The following PIGK variants were observed in gnomAD, a reference collection of about 807,000 sequenced individuals.
PIGK encodes GPI-anchor transamidase.
Under a neutral mutation model 50.6 loss-of-function variants are expected in PIGK, and 42 were observed. That is an observed-to-expected ratio of 0.83 (90% CI 0.65 to 1.07). PIGK has a LOEUF of 1.07. Ranked by LOEUF, PIGK falls within the 50% of genes least tolerant of loss-of-function variation. PIGK has a pLI of 0.00. For synonymous variants in PIGK, 151 were observed against 156.0 expected, an observed-to-expected ratio of 0.97 and a Z score of 0.24; for missense variants, 448 against 488.7, an observed-to-expected ratio of 0.92 and a Z score of 0.78.
Position 77,091,983 on chromosome 1 carries a change from T to G in PIGK, c.*391A>C, listed in dbSNP as rs1295690484. 1 of 154,386 alleles carries G rather than the reference T, an allele frequency of 6.5e-6. No individual in the cohort carries two copies. Among genetic ancestry groups the G allele is most frequent in the African/African-American group, 2.4e-5 (1 of 41,476 alleles). 9.6% of individuals were successfully genotyped at this position (154,386 alleles called of 1,614,324 possible). A position where few individuals can be genotyped will look rare whatever the true frequency, so the allele number is the denominator to read the frequency against. On this transcript the variant is annotated 3_prime_UTR_variant, in exon 11 of 11. Coordinates refer to ENST00000370812, the MANE Select transcript of PIGK (RefSeq NM_005482.3). ...TCCATATTGGGAAAAAATATGTGCA[T>G]AAGTCAAAAGATTGGGAGGATATAC...
intron 3 of PIGK, among the ~76,000 whole-genome samples, chr1:77,178,839 G>A (rs1655545984): frequency 6.6e-6 from 1 of 152,208 alleles, no homozygotes; most frequent in Non-Finnish European, 1.5e-5. Flanking sequence ...GTGTGACCAT[G>A]AGGACACCGT....
chr1:77,179,819 A>T (rs1655571726), intron 3 of PIGK, among the ~76,000 whole-genome samples: 1 of 152,208 alleles, frequency 6.6e-6, no homozygotes, highest in Admixed American at 6.5e-5. Context: ...GTAATTCATA[A>T]TTTCCAGGTT....
chr1:77,157,304 T>C (rs1655030068), intron 8 of PIGK, among the ~76,000 whole-genome samples: 2 of 152,128 alleles, frequency 1.3e-5, no homozygotes. Flanking sequence ...AAGATTACAA[T>C]AGTCATCATT....
At chr1:77,149,047 C>T (rs1025353079) in intron 9 of PIGK, among the ~76,000 whole-genome samples, 26 of 152,008 alleles carry the variant, frequency 1.7e-4, no homozygotes, top group South Asian at 1.0e-3. Flanking sequence ...TAGAACTATA[C>T]GATTTTTAAT....
At chr1:77,130,924 A>G in intron 9 of PIGK, among the ~76,000 whole-genome samples, 1 of 152,152 alleles carries the variant, frequency 6.6e-6, no homozygotes. Context: ...AAACAAGTTA[A>G]TAAATTCAAA....
chr1:77,104,992 C>T (rs1051074165), intron 10 of PIGK, among the ~76,000 whole-genome samples: 4 of 152,190 alleles, frequency 2.6e-5, no homozygotes, highest in Non-Finnish European at 5.9e-5. Context: ...GGGTAAAAGG[C>T]TGGTGTGAGA....
intron 10 of PIGK, among the ~76,000 whole-genome samples, chr1:77,105,915 A>T (rs1437099909): frequency 6.6e-6 from 1 of 152,252 alleles, no homozygotes; most frequent in African/African-American, 2.4e-5. Flanking sequence ...CTAGGCTGTC[A>T]GAAGCCATGG....
intron 5 of PIGK, 87 bp from the exon 6 acceptor site, chr1:77,164,029 T>C: frequency 1.5e-6 from 1 of 675,734 alleles, no homozygotes; most frequent in Non-Finnish European, 2.5e-6. Context: ...TTCATTACAT[T>C]TTGACATCGC....
intron 9 of PIGK, among the ~76,000 whole-genome samples, chr1:77,133,786 C>A (rs868222571): frequency 6.6e-6 from 1 of 152,154 alleles, no homozygotes; most frequent in Non-Finnish European, 1.5e-5. Flanking sequence ...GAAAGCCTGG[C>A]AGGTCTTTGT....
intron 10 of PIGK, among the ~76,000 whole-genome samples, chr1:77,118,631 T>C (rs1057319611): frequency 2.6e-5 from 4 of 152,254 alleles, no homozygotes; most frequent in Non-Finnish European, 1.5e-5. Flanking sequence ...TAAGCTTTAA[T>C]CCTATTGGAA....
intron 3 of PIGK, among the ~76,000 whole-genome samples, chr1:77,200,375 G>A (rs913176398): frequency 1.8e-4 from 27 of 152,116 alleles, no homozygotes; most frequent in Admixed American, 2.6e-4. Context: ...GATAAAATCA[G>A]AGAAGCATTT....
intron 9 of PIGK, among the ~76,000 whole-genome samples, chr1:77,125,979 C>A (rs912960667): frequency 4.6e-5 from 7 of 152,054 alleles, no homozygotes; most frequent in Non-Finnish European, 8.8e-5. Flanking sequence ...TTGTGATTTA[C>A]TTTTCATTTC....
chr1:77,141,096 A>G (rs1654640130), intron 9 of PIGK, among the ~76,000 whole-genome samples: 1 of 152,160 alleles, frequency 6.6e-6, no homozygotes, highest in African/African-American at 2.4e-5. Context: ...AAAGAAATAA[A>G]CATTATAAAA....
intron 3 of PIGK, among the ~76,000 whole-genome samples, chr1:77,174,667 A>C (rs962264761): frequency 2.0e-5 from 3 of 152,110 alleles, no homozygotes; most frequent in Non-Finnish European, 4.4e-5. Context: ...CCCACCCACC[A>C]CTAAGAGATA....
chr1:77,119,146 G>A (rs1339344876), intron 10 of PIGK, among the ~76,000 whole-genome samples: 5 of 151,932 alleles, frequency 3.3e-5, no homozygotes, highest in Non-Finnish European at 7.4e-5. Flanking sequence ...GGTTATTCTT[G>A]GACATTTGGT....
intron 9 of PIGK, among the ~76,000 whole-genome samples, chr1:77,132,696 C>G (rs1654406542): frequency 6.6e-6 from 1 of 151,904 alleles, no homozygotes. Context: ...CATTTTATTT[C>G]TGGCTGAAGA....
chr1:77,116,226 C>T (rs1397225287), intron 10 of PIGK, among the ~76,000 whole-genome samples: 1 of 152,008 alleles, frequency 6.6e-6, no homozygotes, highest in African/African-American at 2.4e-5. Context: ...CTCTGTCGCC[C>T]AGGCTGGAGA....
intron 10 of PIGK, among the ~76,000 whole-genome samples, chr1:77,099,003 C>G (rs1557790911): frequency 1.3e-5 from 2 of 151,980 alleles, no homozygotes; most frequent in Non-Finnish European, 2.9e-5. Flanking sequence ...TTCATTTACT[C>G]TAATTCCTAG....
chr1:77,167,612 G>A (rs1160406881), intron 4 of PIGK, among the ~76,000 whole-genome samples: 1 of 151,608 alleles, frequency 6.6e-6, no homozygotes, highest in African/African-American at 2.4e-5. Flanking sequence ...AGGCAAGGTG[G>A]TGCACACCTG....
Sources: gnomAD v4.1 joint callset for allele counts (sites outside exome capture counted in the v4.1 genomes callset) on GRCh38, gnomAD v4.1.1 for gene constraint, MANE v1.5 for transcripts, NCBI Gene and HGNC (gene_info 2026-07-23, HGNC 2026-07-21) for gene names.